Variants in SV2C observed in about 807,000 individuals in gnomAD.
The protein encoded by SV2C is solute carrier family 22 member B3.
Under a neutral mutation model 79.7 loss-of-function variants are expected in SV2C, and 49 were observed. The observed-to-expected ratio is 0.61, with a 90% CI of 0.49 to 0.78. The LOEUF (loss-of-function observed/expected upper bound fraction) is 0.78, where lower values mean the gene tolerates loss of function less well. SV2C is among the 30% of genes least tolerant of loss of function. SV2C has a pLI of 0.00. For synonymous variants in SV2C, 334 were observed against 333.2 expected (o/e 1.00, Z -0.03); for missense variants, 833 against 912.9 (o/e 0.91, Z 1.13).
intron 1 of SV2C, among the ~76,000 whole-genome samples, chr5:76,102,117 G>A (rs985351244): frequency 5.9e-5 from 9 of 152,168 alleles, no homozygotes; most frequent in Non-Finnish European, 8.8e-5. Context: ...CACCATGTCT[G>A]TTCTTGTGTT....
chr5:75,902,983 G>A, the SV2C span, among the ~76,000 whole-genome samples: 2 of 152,160 alleles, frequency 1.3e-5, no homozygotes, highest in Non-Finnish European at 2.9e-5. Flanking sequence ...TATTATATAT[G>A]TTAGAGCTAA....
chr5:75,922,811 A>G, the SV2C span, among the ~76,000 whole-genome samples: 4 of 152,216 alleles, frequency 2.6e-5, no homozygotes, highest in Non-Finnish European at 5.9e-5. Flanking sequence ...AAATCATCAC[A>G]TGGAGAAGAG....
the SV2C span, among the ~76,000 whole-genome samples, chr5:76,052,136 AC>A: frequency 1.3e-5 from 2 of 152,092 alleles, no homozygotes; most frequent in East Asian, 3.9e-4. Flanking sequence ...CTGAAAAGAA[AC>A]CCCAAGGCTT....
chr5:75,901,528 G>T, the SV2C span, among the ~76,000 whole-genome samples: 1 of 152,194 alleles, frequency 6.6e-6, no homozygotes, highest in Admixed American at 6.5e-5. Flanking sequence ...GCTGCTCAGG[G>T]GTCAGGGGTC....
Position 76,333,472 on chromosome 5 carries a change from C to T in SV2C, c.*7925C>T, listed in dbSNP as rs1053069576. The T allele has an allele frequency of 6.6e-6, 1 of 152,196 alleles. No homozygotes were observed. Among genetic ancestry groups the T allele is most frequent in the Non-Finnish European group, 1.5e-5 (1 of 68,050 alleles). The allele number at this position is 152,196 out of a possible 1,614,324, so 9.4% of individuals were successfully genotyped here. On this transcript the variant is annotated 3_prime_UTR_variant, in exon 13 of 13. Transcript: ENST00000502798. The stretch of plus-strand genomic sequence containing the variant: ...TATCCACTGTCTATTTTAATGAGAT[C>T]TTGGCAATGGTCCTGTCGGTTTTGG...
At chr5:75,910,044 A>T in the SV2C span, among the ~76,000 whole-genome samples, 4 of 152,204 alleles carry the variant, frequency 2.6e-5, no homozygotes, top group East Asian at 7.7e-4. Flanking sequence ...GGGACTTCAC[A>T]GAGCAGACAC....
At chr5:76,017,658 C>T in the SV2C span, among the ~76,000 whole-genome samples, 1 of 152,138 alleles carries the variant, frequency 6.6e-6, no homozygotes, top group Non-Finnish European at 1.5e-5. Flanking sequence ...TCTGAAACTT[C>T]ATTATTTAAC....
the SV2C span, among the ~76,000 whole-genome samples, chr5:75,913,704 A>G: frequency 2.0e-5 from 3 of 152,164 alleles, no homozygotes; most frequent in African/African-American, 7.2e-5. Flanking sequence ...GTAACTGGGG[A>G]GACCAGGACT....
intron 4 of SV2C, among the ~76,000 whole-genome samples, chr5:76,229,887 A>C (rs1487781606): frequency 6.6e-6 from 1 of 152,238 alleles, no homozygotes; most frequent in Non-Finnish European, 1.5e-5. Flanking sequence ...TCTGGAGAAC[A>C]ATCAATGATG....
intron 1 of SV2C, among the ~76,000 whole-genome samples, chr5:76,091,132 C>G (rs575032481): frequency 7.0e-4 from 106 of 152,288 alleles, no homozygotes; most frequent in African/African-American, 2.5e-3. Flanking sequence ...ACAGAATACT[C>G]CAGTCAATGC....
At chr5:76,281,074 C>A (rs1038101676) in intron 4 of SV2C, 9 of 541,440 alleles carry the variant, frequency 1.7e-5, no homozygotes, top group Admixed American at 1.4e-4. Context: ...TAACTTAGCA[C>A]GTGTAAAGAC....
intron 2 of SV2C, among the ~76,000 whole-genome samples, chr5:76,155,172 G>C (rs916259237): frequency 6.6e-6 from 1 of 152,070 alleles, no homozygotes; most frequent in Non-Finnish European, 1.5e-5. Flanking sequence ...TATTTGTTTA[G>C]AAACAAAAAG....
the SV2C span, among the ~76,000 whole-genome samples, chr5:75,896,216 C>A: frequency 7.4e-6 from 1 of 135,826 alleles, no homozygotes; most frequent in Non-Finnish European, 1.6e-5. Flanking sequence ...CTCCCCCCGC[C>A]CCCTACCCCA....
the SV2C span, among the ~76,000 whole-genome samples, chr5:75,975,668 C>T: frequency 1.3e-5 from 2 of 152,190 alleles, no homozygotes; most frequent in African/African-American, 4.8e-5. Context: ...GGTTTCTAGG[C>T]GTAAAAGCCT....
the SV2C span, among the ~76,000 whole-genome samples, chr5:75,951,650 C>G: frequency 6.6e-6 from 1 of 152,004 alleles, no homozygotes; most frequent in Non-Finnish European, 1.5e-5. Context: ...GTAGAGATGC[C>G]TCATGCAGAA....
intron 2 of SV2C, among the ~76,000 whole-genome samples, chr5:76,166,306 T>C (rs888389879): frequency 6.6e-6 from 1 of 152,164 alleles, no homozygotes; most frequent in Non-Finnish European, 1.5e-5. Context: ...TTTTTCATGG[T>C]GGGGAAGAAG....
Position 76,210,859 on chromosome 5 carries a change from C to T in SV2C, c.913+972C>T, listed in dbSNP as rs144370087. On this transcript the variant is annotated intron_variant, in intron 4 of 12. Coordinates refer to ENST00000502798, the MANE Select transcript of SV2C (RefSeq NM_014979.4). ...TAGAAGTGTCAGGAACCATGAATGA[C>T]GACGAACACATATGTTTCTTATTAT... 1.7e-3 allele frequency among the ~76,000 whole-genome samples: 257 copies of T among 152,336 alleles called. 1 individual carries two copies. The highest frequency in any genetic ancestry group is 5.9e-3 in the African/African-American group (246 of 41,580).
the SV2C span, among the ~76,000 whole-genome samples, chr5:76,070,461 C>T: frequency 2.1e-4 from 32 of 152,314 alleles, no homozygotes; most frequent in Admixed American, 1.4e-3. Context: ...TTCTTCTCCC[C>T]TGAGGTAAAT....
intron 3 of SV2C, among the ~76,000 whole-genome samples, chr5:76,201,687 T>C (rs1744445569): frequency 6.6e-6 from 1 of 152,092 alleles, no homozygotes; most frequent in African/African-American, 2.4e-5. Flanking sequence ...TTTAAATAAT[T>C]TGTCATGTAA....
Sources: allele counts gnomAD v4.1 joint callset (sites outside exome capture counted in the v4.1 genomes callset), GRCh38; gene constraint gnomAD v4.1.1; transcripts MANE v1.5; gene names NCBI Gene and HGNC (gene_info 2026-07-23, HGNC 2026-07-21).